SEC24D: variants seen among roughly 807,000 people sequenced by gnomAD.
SEC24D encodes protein transport protein Sec24D.
In SEC24D, 69 loss-of-function variants were observed where a neutral mutation model predicts 116.9. That is an observed-to-expected ratio of 0.59 (90% confidence interval 0.49 to 0.72). SEC24D has a LOEUF of 0.72. SEC24D is among the 30% of genes least tolerant of loss of function. The pLI is 0.00. For synonymous variants in SEC24D, 405 were observed against 442.8 expected, an observed-to-expected ratio of 0.91 and a Z score of 1.07; for missense variants, 1,131 against 1,264.1, an observed-to-expected ratio of 0.89 and a Z score of 1.60.
Position 118,723,530 on chromosome 4 carries a change from A to G in SEC24D, c.3084T>C (p.Cys1028=). Residue 1028 remains cysteine, a synonymous_variant, in exon 23 of 23, where the codon TGT becomes TGC. Transcript: ENST00000280551. The part of the protein sequence containing the change: ...DFLCCVHKEI[C]QLLN ...GAAGTTTCAATTAATTAAGCAGCTG[A>G]CAGATCTCCTTGTGAACACAACAAA... is the stretch of plus-strand genomic sequence containing the variant. The G allele has an allele frequency of 5.0e-6, 8 of 1,611,888 alleles. No homozygotes were observed. Among genetic ancestry groups the G allele is most frequent in the Non-Finnish European group, 5.9e-6 (7 of 1,179,238 alleles).
intron 8 of SEC24D, 30 bp from the exon 9 acceptor site, chr4:118,768,341 C>T (rs1237541392): frequency 1.3e-6 from 2 of 1,592,782 alleles, no homozygotes; most frequent in East Asian, 4.5e-5. Flanking sequence ...ATTAAATGAA[C>T]AGGTGAGTAT....
intron 19 of SEC24D, among the ~76,000 whole-genome samples, chr4:118,734,958 T>G (rs369690396): frequency 5.9e-5 from 9 of 152,356 alleles, no homozygotes; most frequent in African/African-American, 2.2e-4. Flanking sequence ...GTTAGCCATT[T>G]TACATGTTAT....
intron 19 of SEC24D, among the ~76,000 whole-genome samples, chr4:118,734,846 C>A (rs1725874139): frequency 6.6e-6 from 1 of 152,138 alleles, no homozygotes; most frequent in Non-Finnish European, 1.5e-5. Context: ...CTTCATTTAA[C>A]AACATTTGGT....
chr4:118,770,514 G>A (rs1245731049), intron 8 of SEC24D, among the ~76,000 whole-genome samples: 1 of 152,176 alleles, frequency 6.6e-6, no homozygotes, highest in African/African-American at 2.4e-5. Context: ...GATGCTTTCA[G>A]AAGTTAAAAT....
chr4:118,810,137 T>TGTGTGTG (rs56961502), intron 6 of SEC24D, among the ~76,000 whole-genome samples: 17 of 104,262 alleles, frequency 1.6e-4, no homozygotes, highest in Admixed American at 4.6e-4. Context: ...TGTGTGTGTG[T>TGTGTGTG]CAGAGGGTAT....
chr4:118,794,705 T>C (rs960676199), intron 8 of SEC24D, among the ~76,000 whole-genome samples: 3 of 152,214 alleles, frequency 2.0e-5, no homozygotes, highest in African/African-American at 7.2e-5. Context: ...ATGGTTCTTG[T>C]AGGCACACTG....
rs1727170377 is a variant in SEC24D at position 118,757,708 on chromosome 4, ACGGTTGC to A, written c.1421+6_1421+12del. Reference sequence around the variant, plus strand: ...TAATGTATAAGTTGTAAAAAGAATGACGGTTGCCTTACTTTGGAATTTTTTCCAGCAT... The same window carrying A: ...TAATGTATAAGTTGTAAAAAGAATGACTTACTTTGGAATTTTTTCCAGCAT... On this transcript the variant is annotated splice_donor_region_variant and intron_variant, in intron 11 of 22. Coordinates refer to ENST00000280551, the MANE Select transcript of SEC24D (RefSeq NM_014822.4). The A allele has an allele frequency of 6.2e-7, 1 of 1,604,078 alleles. No individual in the cohort carries two copies. The highest frequency in any genetic ancestry group is 1.3e-5 in the African/African-American group (1 of 74,280).
chr4:118,784,921 T>C (rs1461762563), intron 8 of SEC24D, among the ~76,000 whole-genome samples: 1 of 152,136 alleles, frequency 6.6e-6, no homozygotes, highest in Non-Finnish European at 1.5e-5. Flanking sequence ...TTCTAGTCAG[T>C]GCAGCTGTTT....
intron 21 of SEC24D, chr4:118,730,397 T>C (rs1725623318): frequency 6.6e-6 from 1 of 152,236 alleles, no homozygotes; most frequent in Non-Finnish European, 1.5e-5. Context: ...TATGCAGCTC[T>C]CTAAACTGAT....
intron 8 of SEC24D, among the ~76,000 whole-genome samples, chr4:118,771,482 T>G (rs1727899672): frequency 6.6e-6 from 1 of 152,174 alleles, no homozygotes; most frequent in South Asian, 2.1e-4. Flanking sequence ...ATCTTTTCCT[T>G]GTATTTTTGG....
intron 20 of SEC24D, among the ~76,000 whole-genome samples, chr4:118,731,709 CATAAA>C (rs1232075387): frequency 1.3e-5 from 2 of 152,114 alleles, no homozygotes; most frequent in Admixed American, 1.3e-4. Context: ...AGAGACAACA[CATAAA>C]ATAAGTAAAA....
At chr4:118,727,983 C>T (rs1023270421) in intron 22 of SEC24D, among the ~76,000 whole-genome samples, 1 of 152,044 alleles carries the variant, frequency 6.6e-6, no homozygotes. Flanking sequence ...CAGTGTTACA[C>T]AGCACATCAT....
chr4:118,791,578 G>A (rs1292027180), intron 8 of SEC24D, among the ~76,000 whole-genome samples: 2 of 151,974 alleles, frequency 1.3e-5, no homozygotes, highest in African/African-American at 4.8e-5. Flanking sequence ...ATGCCGAGCC[G>A]AGACTGGACT....
rs753129102 is a variant in SEC24D at position 118,817,234 on chromosome 4, G to A, written c.397+30C>T. ...TTAAAAATGACCAGGACACAAGGCA[G>A]TCAATAAACACTAATAATAAAACTA... On this transcript the variant is annotated intron_variant, in intron 4 of 22. Coordinates refer to ENST00000280551, the MANE Select transcript of SEC24D (RefSeq NM_014822.4). 3.8e-6 allele frequency: 6 copies of A among 1,562,500 alleles called. No individual in the cohort carries two copies. In the South Asian group the frequency reaches 6.1e-5, roughly 16 times the overall value.
At chr4:118,810,108 GTGTGTGTGTGTGTGTGTGTGTGTGTGTGT>G (rs879689939) in intron 6 of SEC24D, among the ~76,000 whole-genome samples, 99 of 148,814 alleles carry the variant, frequency 6.7e-4, no homozygotes, top group Non-Finnish European at 1.2e-3. Flanking sequence ...GTGTGTGTGT[GTGTGTGTGTGTGTGTGTGTGTGTGTGTGT>G]CAGAGGGTAT....
At chr4:118,797,637 TTTGGAATTGATAA>T in intron 8 of SEC24D, 33 bp downstream of exon 8, 2 of 1,432,162 alleles carry the variant, frequency 1.4e-6, no homozygotes, top group Non-Finnish European at 1.9e-6. Context: ...AAATGGTAAT[TTTGGAATTGATAA>T]ATTATTGAAT....
At chr4:118,736,021 C>CTTTTTTTTTTT (rs70944808) in intron 19 of SEC24D, 3 of 72,816 alleles carry the variant, frequency 4.1e-5, no homozygotes, top group Non-Finnish European at 5.2e-5. Flanking sequence ...AGTTATATGT[C>CTTTTTTTTTTT]TTTTTTTTTT....
intron 9 of SEC24D, chr4:118,766,457 G>A (rs548335929): frequency 5.3e-4 from 80 of 152,244 alleles, no homozygotes; most frequent in African/African-American, 1.9e-3. Context: ...TTCCTTGTAG[G>A]GACACATATT....
chr4:118,724,236 T>C (rs1578367477), intron 22 of SEC24D, among the ~76,000 whole-genome samples: 1 of 150,070 alleles, frequency 6.7e-6, no homozygotes, highest in South Asian at 2.1e-4. Context: ...GCAGTGGAGG[T>C]GGAAAGGGGG....
Sources: gnomAD v4.1 joint callset for allele counts (sites outside exome capture counted in the v4.1 genomes callset) on GRCh38, gnomAD v4.1.1 for gene constraint, MANE v1.5 for transcripts, NCBI Gene and HGNC (gene_info 2026-07-23, HGNC 2026-07-21) for gene names.